Variants in IMMP2L observed in about 807,000 individuals in gnomAD.
IMMP2L encodes inner mitochondrial membrane peptidase subunit 2.
In IMMP2L, 18 loss-of-function variants were observed where a neutral mutation model predicts 19.3. The observed-to-expected ratio is 0.93, with a 90% CI of 0.64 to 1.38. The LOEUF (loss-of-function observed/expected upper bound fraction) is 1.38. Ranked by LOEUF, IMMP2L falls within the 40% of genes most tolerant of loss-of-function variation. The probability of loss-of-function intolerance (pLI) is 0.00; values close to 1 mark genes in which losing one functional copy is unlikely to be tolerated. For synonymous variants in IMMP2L, 76 were observed against 73.0 expected, an observed-to-expected ratio of 1.04 and a Z score of -0.21; for missense variants, 233 against 218.2, an observed-to-expected ratio of 1.07 and a Z score of -0.43.
chr7:111,283,007 A>T (rs2130698543), intron 3 of IMMP2L, among the ~76,000 whole-genome samples: 1 of 152,248 alleles, frequency 6.6e-6, no homozygotes, highest in South Asian at 2.1e-4. Flanking sequence ...CTCCATCCAC[A>T]ACACCTGAAT....
At chr7:111,002,594 T>C (rs1823828990) in intron 3 of IMMP2L, among the ~76,000 whole-genome samples, 1 of 152,254 alleles carries the variant, frequency 6.6e-6, no homozygotes, top group African/African-American at 2.4e-5. Flanking sequence ...TGGGATGGGA[T>C]ATGAAGAGAC....
At chr7:110,822,266 A>G (rs1180424556) in intron 5 of IMMP2L, among the ~76,000 whole-genome samples, 1 of 152,124 alleles carries the variant, frequency 6.6e-6, no homozygotes, top group Non-Finnish European at 1.5e-5. Flanking sequence ...CCTTCAAAAT[A>G]TAGCTCAACT....
chr7:110,760,102 C>A lies in IMMP2L; in HGVS notation c.409-96381G>T, dbSNP rs73714355. On this transcript the variant is annotated intron_variant, in intron 5 of 5. Transcript: ENST00000405709. The surrounding 1 kb of genome is among the most constrained non-coding windows in gnomAD (Gnocchi z 4.2). ...GTGCTTTGTCATCACAAAAGAAAAC[C>A]GTTTTATTTTTCTAATTATTATCTA... 1.3e-5 allele frequency among the ~76,000 whole-genome samples: 2 copies of A among 151,914 alleles called. No homozygotes were observed. Among genetic ancestry groups the A allele is most frequent in the African/African-American group, 2.4e-5 (1 of 41,356 alleles).
chr7:110,721,957 A>G (rs950512877), intron 5 of IMMP2L, among the ~76,000 whole-genome samples: 1 of 152,134 alleles, frequency 6.6e-6, no homozygotes, highest in African/African-American at 2.4e-5. Flanking sequence ...GCTGTAATAA[A>G]GGTGAAAATC....
chr7:111,509,464 C>T (rs946622674), intron 2 of IMMP2L, among the ~76,000 whole-genome samples: 22 of 152,116 alleles, frequency 1.4e-4, no homozygotes, highest in African/African-American at 4.8e-4. Context: ...AGTTATAGCT[C>T]AATTTGAGCT....
At chr7:111,117,159 G>C (rs954933215) in intron 3 of IMMP2L, among the ~76,000 whole-genome samples, 1 of 152,072 alleles carries the variant, frequency 6.6e-6, no homozygotes, top group Non-Finnish European at 1.5e-5. Context: ...CATGGGACTA[G>C]AGTATTGAAT....
intron 4 of IMMP2L, among the ~76,000 whole-genome samples, chr7:110,932,695 A>G (rs2129551911): frequency 6.6e-6 from 1 of 152,276 alleles, no homozygotes; most frequent in African/African-American, 2.4e-5. Context: ...ATTTGAGAAA[A>G]TATTTGATAT....
intron 3 of IMMP2L, among the ~76,000 whole-genome samples, chr7:111,207,557 T>TTG (rs1562927067): frequency 7.5e-5 from 9 of 120,792 alleles, no homozygotes; most frequent in African/African-American, 2.7e-4. Flanking sequence ...TTTTTTTTTT[T>TTG]GAGACAGAAT....
At chr7:111,269,998 T>C (rs1818271293) in intron 3 of IMMP2L, among the ~76,000 whole-genome samples, 1 of 151,862 alleles carries the variant, frequency 6.6e-6, no homozygotes, top group Non-Finnish European at 1.5e-5. Context: ...GTTATTATAT[T>C]AACCTATACA....
intron 5 of IMMP2L, among the ~76,000 whole-genome samples, chr7:110,836,524 C>G (rs555611506): frequency 6.6e-6 from 1 of 152,106 alleles, no homozygotes; most frequent in East Asian, 1.9e-4. Context: ...GTGAGACGTG[C>G]CTTTCACCTT....
intron 4 of IMMP2L, among the ~76,000 whole-genome samples, chr7:110,947,910 A>G (rs1817417844): frequency 6.6e-6 from 1 of 152,202 alleles, no homozygotes. Flanking sequence ...TTTGATTCCC[A>G]GATGTCCAGT....
At position 111,213,296 on chromosome 7, in the gene IMMP2L, GC is replaced by G. The variant is rs1276310547; in HGVS notation, c.240-249732del. Among the ~76,000 whole-genome samples, 1 of 152,186 alleles carries G rather than the reference GC, an allele frequency of 6.6e-6. No individual in the cohort carries two copies. The highest frequency in any genetic ancestry group is 1.5e-5 in the Non-Finnish European group (1 of 68,034). Reference sequence around the variant, plus strand: ...GACATACCAGCACCCTGCTGCCTCAGCCCCCTCCAGGCTTTGGGTGCCAATG... The same window carrying G: ...GACATACCAGCACCCTGCTGCCTCAGCCCCTCCAGGCTTTGGGTGCCAATG... On this transcript the variant is annotated intron_variant, in intron 3 of 5. Transcript: ENST00000405709. This position sits in a 1 kb window ranked among gnomAD's most constrained non-coding sequence, Gnocchi z 4.8.
At chr7:111,313,313 T>C (rs1823710421) in intron 3 of IMMP2L, among the ~76,000 whole-genome samples, 1 of 152,122 alleles carries the variant, frequency 6.6e-6, no homozygotes, top group African/African-American at 2.4e-5. Flanking sequence ...CTGTACCTAA[T>C]AGAAAACTTG....
At chr7:111,176,391 G>A (rs1450074963) in intron 3 of IMMP2L, among the ~76,000 whole-genome samples, 1 of 152,002 alleles carries the variant, frequency 6.6e-6, no homozygotes, top group African/African-American at 2.4e-5. Context: ...ACAGAAGAAT[G>A]AATAAAGAAA....
At chr7:110,932,966 G>A (rs964202620) in intron 4 of IMMP2L, among the ~76,000 whole-genome samples, 2 of 152,122 alleles carry the variant, frequency 1.3e-5, no homozygotes, top group South Asian at 2.1e-4. Context: ...ATATTACATC[G>A]CAAAGAGCTC....
intron 3 of IMMP2L, among the ~76,000 whole-genome samples, chr7:111,395,614 T>C (rs1158147164): frequency 6.6e-6 from 1 of 152,212 alleles, no homozygotes; most frequent in East Asian, 1.9e-4. Flanking sequence ...TTCTTTATTC[T>C]GCTGTTGATA....
At chr7:111,468,416 T>C (rs1840890565) in intron 3 of IMMP2L, among the ~76,000 whole-genome samples, 1 of 152,156 alleles carries the variant, frequency 6.6e-6, no homozygotes, top group Non-Finnish European at 1.5e-5. Context: ...ATAGCAAGGC[T>C]GTAGGGGCCA....
At chr7:110,868,927 TAAAAC>T (rs1022943620) in intron 5 of IMMP2L, among the ~76,000 whole-genome samples, 13 of 150,052 alleles carry the variant, frequency 8.7e-5, no homozygotes, top group Non-Finnish European at 1.3e-4. Flanking sequence ...TGAAAAAAAT[TAAAAC>T]AAAAAAAAAA....
At chr7:110,885,620 A>G (rs1218580770) in intron 5 of IMMP2L, among the ~76,000 whole-genome samples, 1 of 152,034 alleles carries the variant, frequency 6.6e-6, no homozygotes, top group Non-Finnish European at 1.5e-5. Flanking sequence ...CATTTCTACT[A>G]TACACTCAAT....
Sources: gnomAD v4.1 joint callset for allele counts (sites outside exome capture counted in the v4.1 genomes callset) on GRCh38, gnomAD v4.1.1 for gene constraint, Gnocchi (gnomAD v3.1) non-coding constraint, MANE v1.5 for transcripts, NCBI Gene and HGNC (gene_info 2026-07-23, HGNC 2026-07-21) for gene names.